The following CDYL2 variants were observed in gnomAD, a reference collection of about 807,000 sequenced individuals.
CDYL2 encodes the protein chromodomain Y-like protein 2.
In CDYL2, 23 loss-of-function variants were observed where a neutral mutation model predicts 49.4. The ratio of observed to expected loss-of-function variants is 0.47; its 90% CI spans 0.34 to 0.66. CDYL2 has a LOEUF of 0.66. Among genes scored for constraint, CDYL2 ranks in the 30% least tolerant of loss-of-function variants. The pLI, the probability that CDYL2 is intolerant of heterozygous loss-of-function variation, is 0.01. For synonymous variants in CDYL2, 360 were observed against 268.8 expected, an observed-to-expected ratio of 1.34 and a Z score of -3.32; for missense variants, 678 against 656.4, an observed-to-expected ratio of 1.03 and a Z score of -0.36.
chr16:80,637,652 T>C (rs1907898399), intron 2 of CDYL2, among the ~76,000 whole-genome samples: 1 of 139,886 alleles, frequency 7.1e-6, no homozygotes, highest in African/African-American at 3.2e-5. Context: ...TGGAACTTGA[T>C]GTTTTTTAAA....
At chr16:80,666,985 C>A (rs552658751) in intron 2 of CDYL2, among the ~76,000 whole-genome samples, 1 of 152,192 alleles carries the variant, frequency 6.6e-6, no homozygotes, top group Non-Finnish European at 1.5e-5. Context: ...AGAGATTACC[C>A]GAATAATCAG....
intron 2 of CDYL2, among the ~76,000 whole-genome samples, chr16:80,634,787 G>A (rs769260813): frequency 6.6e-6 from 1 of 152,016 alleles, no homozygotes; most frequent in Non-Finnish European, 1.5e-5. Flanking sequence ...CATCTCATCT[G>A]AATAGGGCTA....
At chr16:80,664,051 T>A (rs1216985598) in intron 2 of CDYL2, among the ~76,000 whole-genome samples, 1 of 151,854 alleles carries the variant, frequency 6.6e-6, no homozygotes, top group South Asian at 2.1e-4. Context: ...GATCCTGGTA[T>A]GTGGCAAAAT....
chr16:80,739,032 AAC>A (rs1238945744), intron 1 of CDYL2, among the ~76,000 whole-genome samples: 3 of 152,252 alleles, frequency 2.0e-5, no homozygotes, highest in African/African-American at 7.2e-5. Flanking sequence ...TGAATGGATA[AAC>A]AAAACGTGGT....
At position 80,603,715 on chromosome 16, in the gene CDYL2, GT is replaced by G. The variant is rs942781876; in HGVS notation, c.*672del. On this transcript the variant is annotated 3_prime_UTR_variant, in exon 7 of 7. Transcript: ENST00000570137. ...AGAAAAAACATTTCCCTAGTAGTTT[GT>G]TTTTGCAAAACTAGCTTTACATATA... The G allele has an allele frequency of 6.6e-6, 1 of 152,588 alleles. No homozygotes were observed. The highest frequency in any genetic ancestry group is 2.4e-5 in the African/African-American group (1 of 41,436). 9.5% of individuals were successfully genotyped at this position (152,588 alleles called of 1,614,324 possible).
intron 2 of CDYL2, among the ~76,000 whole-genome samples, chr16:80,644,712 C>G (rs1246939651): frequency 1.3e-5 from 2 of 152,132 alleles, no homozygotes; most frequent in African/African-American, 4.8e-5. Context: ...AAACTGCCCC[C>G]ATGATTCAAA....
rs927799241 is a variant in CDYL2 at position 80,627,938 on chromosome 16, G to A, written c.834+5081C>T. On this transcript the variant is annotated intron_variant, in intron 3 of 6. Transcript: ENST00000570137. ...CTCTATGACCTCTAGCTTTGGATCC[G>A]GCGTGGGTTTACACCCAGATAACCA... The A allele has an allele frequency of 1.1e-4, 16 of 152,272 alleles. No homozygotes were observed. In the East Asian group the frequency reaches 1.2e-3, roughly 11 times the overall value. The allele number at this position is 152,272 out of a possible 1,614,324, so 9.4% of individuals were successfully genotyped here.
rs192004983 is a variant in CDYL2, at chr16:80,709,749, T to A, written c.25-24620A>T. Among the ~76,000 whole-genome samples the A allele has an allele frequency of 4.3e-3, 648 of 152,286 alleles. 6 individuals are homozygous for A. Among genetic ancestry groups the A allele is most frequent in the African/African-American group, 0.015 (630 of 41,560 alleles). ...CCACAGGCCAACTTTCAGTCTTTTT[T>A]AAGGTAAAGTGCCACATTTATTGTA... On this transcript the variant is annotated intron_variant, in intron 1 of 6. Transcript: ENST00000570137.
intron 1 of CDYL2, among the ~76,000 whole-genome samples, chr16:80,711,549 G>C (rs562508293): frequency 2.0e-5 from 3 of 152,176 alleles, no homozygotes; most frequent in Non-Finnish European, 4.4e-5. Context: ...AAGTGGAAGA[G>C]AGCTCAAGGT....
chr16:80,800,743 T>G (rs1399009659), intron 1 of CDYL2, among the ~76,000 whole-genome samples: 2 of 151,980 alleles, frequency 1.3e-5, no homozygotes, highest in African/African-American at 4.8e-5. Context: ...CTTTATATAC[T>G]TAAACCAGTC....
Position 80,744,517 on chromosome 16 carries a change from C to A in CDYL2, c.25-59388G>T, listed in dbSNP as rs144506261. Among the ~76,000 whole-genome samples, 46 of 152,300 alleles carry A rather than the reference C, an allele frequency of 3.0e-4. No individual in the cohort carries two copies. In the East Asian group the frequency reaches 6.0e-3, roughly 20 times the overall value. On this transcript the variant is annotated intron_variant, in intron 1 of 6. Coordinates refer to ENST00000570137, the MANE Select transcript of CDYL2 (RefSeq NM_152342.4). ...AAAAAAAGAAATTAGCATGTAGGAG[C>A]ACCCTATAGAAGGTACTTTATTTCC...
intron 1 of CDYL2, among the ~76,000 whole-genome samples, chr16:80,727,747 G>T (rs914516537): frequency 6.6e-6 from 1 of 152,236 alleles, no homozygotes; most frequent in Non-Finnish European, 1.5e-5. Context: ...CGCAGCGGGA[G>T]ATCTGAGAAT....
At chr16:80,616,494 A>G (rs2142370467) in intron 4 of CDYL2, among the ~76,000 whole-genome samples, 1 of 152,252 alleles carries the variant, frequency 6.6e-6, no homozygotes, top group East Asian at 1.9e-4. Flanking sequence ...TTTCCCCTGG[A>G]GCAATCGGCA....
intron 1 of CDYL2, among the ~76,000 whole-genome samples, chr16:80,724,727 T>G (rs915483819): frequency 6.6e-6 from 1 of 152,190 alleles, no homozygotes; most frequent in Non-Finnish European, 1.5e-5. Flanking sequence ...CAAGAAAGTT[T>G]GAAAGTCATG....
intron 2 of CDYL2, among the ~76,000 whole-genome samples, chr16:80,651,549 C>G (rs1908582385): frequency 6.6e-6 from 1 of 152,048 alleles, no homozygotes; most frequent in African/African-American, 2.4e-5. Flanking sequence ...TTGTCAAATA[C>G]CAAAGAAATT....
chr16:80,694,773 C>T (rs1910555238), intron 1 of CDYL2, among the ~76,000 whole-genome samples: 1 of 152,104 alleles, frequency 6.6e-6, no homozygotes, highest in Non-Finnish European at 1.5e-5. Context: ...AAAACTAGGG[C>T]TCCCTAGGAA....
intron 1 of CDYL2, 35 bp from the exon 2 acceptor site, chr16:80,685,164 A>T (rs749674103): frequency 6.5e-6 from 10 of 1,541,742 alleles, no homozygotes; most frequent in African/African-American, 1.4e-5. Context: ...GAAAACAGAG[A>T]GAGAGGGAGG....
At chr16:80,681,889 G>A (rs1193113100) in intron 2 of CDYL2, among the ~76,000 whole-genome samples, 1 of 152,078 alleles carries the variant, frequency 6.6e-6, no homozygotes, top group Non-Finnish European at 1.5e-5. Context: ...CAAGCACCCA[G>A]CATGGTGAAT....
intron 1 of CDYL2, among the ~76,000 whole-genome samples, chr16:80,760,768 C>G (rs1906499608): frequency 6.6e-6 from 1 of 151,434 alleles, no homozygotes; most frequent in Non-Finnish European, 1.5e-5. Context: ...AGGGGGCAGT[C>G]CATCTAGAAT....
Sources: gnomAD v4.1 joint callset for allele counts (sites outside exome capture counted in the v4.1 genomes callset) on GRCh38, gnomAD v4.1.1 for gene constraint, MANE v1.5 for transcripts, NCBI Gene and HGNC (gene_info 2026-07-23, HGNC 2026-07-21) for gene names.